Variants in SCARB1 observed in about 807,000 individuals in gnomAD.
The protein encoded by SCARB1 is CD36 and LIMPII analogous 1.
Under a neutral mutation model 57.2 loss-of-function variants are expected in SCARB1, and 30 were observed. That is an observed-to-expected ratio of 0.52 (90% CI 0.39 to 0.71). SCARB1 has a LOEUF of 0.71. Among genes scored for constraint, SCARB1 ranks in the 30% least tolerant of loss-of-function variants. The probability of loss-of-function intolerance (pLI) is 0.00; values close to 1 mark genes in which losing one functional copy is unlikely to be tolerated. For synonymous variants in SCARB1, 249 were observed against 268.3 expected (o/e 0.93, Z 0.70); for missense variants, 543 against 671.2 (o/e 0.81, Z 2.11).
At chr12:124,826,305 TG>T (rs1351487710) in intron 1 of SCARB1, among the ~76,000 whole-genome samples, 1 of 131,324 alleles carries the variant, frequency 7.6e-6, no homozygotes, top group African/African-American at 3.0e-5. Flanking sequence ...CACTCTAGCC[TG>T]GGTGACAGAG....
intron 1 of SCARB1, among the ~76,000 whole-genome samples, chr12:124,828,692 T>C (rs1951265852): frequency 6.6e-6 from 1 of 152,228 alleles, no homozygotes; most frequent in Non-Finnish European, 1.5e-5. Context: ...TATCCACGTC[T>C]AGGCCTGTGC....
rs1200193866 is a variant in SCARB1, at chr12:124,817,353, T to C, written c.284+197A>G. On this transcript the variant is annotated intron_variant, in intron 2 of 12. Transcript: ENST00000261693. This position sits in a 1 kb window ranked among gnomAD's most constrained non-coding sequence, Gnocchi z 4.8. ...GGGCAACATAGCAAGATCCCATCTCTAAAAAAAAAAAAAAAAAAAAAAAAA... is the reference window on the plus strand; with the variant it reads ...GGGCAACATAGCAAGATCCCATCTCCAAAAAAAAAAAAAAAAAAAAAAAAA... Among the ~76,000 whole-genome samples the C allele has an allele frequency of 2.9e-5, 2 of 68,772 alleles. No individual in the cohort carries two copies. Among genetic ancestry groups the C allele is most frequent in the African/African-American group, 5.5e-5 (1 of 18,074 alleles). The allele number at this position is 68,772 out of a possible 152,430, so 45.1% of individuals were successfully genotyped here.
At chr12:124,811,650 G>A (rs2135664576) in intron 5 of SCARB1, among the ~76,000 whole-genome samples, 1 of 152,222 alleles carries the variant, frequency 6.6e-6, no homozygotes, top group South Asian at 2.1e-4. Context: ...TGCTCAGTAA[G>A]CTCAGTAAGC....
rs1949638354 is a variant in SCARB1 at position 124,789,324 on chromosome 12, C to T, written c.1203-1867G>A. On this transcript the variant is annotated intron_variant, in intron 9 of 12. Coordinates refer to ENST00000261693, the MANE Select transcript of SCARB1 (RefSeq NM_005505.5). This position sits in a 1 kb window ranked among gnomAD's most constrained non-coding sequence, Gnocchi z 4.4. The stretch of plus-strand genomic sequence containing the variant: ...CAGTAGAGGGTCATCCTACAAAATA[C>T]CTGACCAGTGCTTCTCAAAAGTGTC... Among the ~76,000 whole-genome samples the T allele has an allele frequency of 6.6e-6, 1 of 152,162 alleles. No individual in the cohort carries two copies. Among genetic ancestry groups the T allele is most frequent in the African/African-American group, 2.4e-5 (1 of 41,450 alleles).
At chr12:124,803,898 TATAAG>T (rs1233953229) in intron 7 of SCARB1, among the ~76,000 whole-genome samples, 5 of 151,936 alleles carry the variant, frequency 3.3e-5, no homozygotes, top group African/African-American at 1.2e-4. Flanking sequence ...TATAAATAAA[TATAAG>T]AAAAAACTCT....
chr12:124,845,664 C>A (rs1402678532), intron 1 of SCARB1, among the ~76,000 whole-genome samples: 1 of 142,940 alleles, frequency 7.0e-6, no homozygotes, highest in Admixed American at 7.3e-5. Flanking sequence ...GAGATCACGC[C>A]ACTGCATTCC....
chr12:124,848,399 T>C (rs995973118), intron 1 of SCARB1, among the ~76,000 whole-genome samples: 2 of 152,194 alleles, frequency 1.3e-5, no homozygotes, highest in African/African-American at 4.8e-5. Context: ...AATTTTTTAA[T>C]GAACAACTAT....
At chr12:124,816,724 T>C (rs1451273496) in intron 2 of SCARB1, among the ~76,000 whole-genome samples, 1 of 151,946 alleles carries the variant, frequency 6.6e-6, no homozygotes, top group Non-Finnish European at 1.5e-5. Context: ...AAGGGAGTTG[T>C]AACAGGCACA....
intron 11 of SCARB1, chr12:124,786,108 T>A: frequency 6.5e-7 from 1 of 1,536,110 alleles, no homozygotes; most frequent in Non-Finnish European, 8.7e-7. Context: ...AAAGCCCACC[T>A]GTGCCCCCTC....
rs747157 is a variant in SCARB1 at position 124,778,494 on chromosome 12, G to T, written c.*93C>A. The T allele has an allele frequency of 3.0e-6, 4 of 1,352,932 alleles. No homozygotes were observed. The highest frequency in any genetic ancestry group is 4.0e-5 in the Admixed American group (1 of 24,918). The allele number at this position is 1,352,932 out of a possible 1,614,324, so 83.8% of individuals were successfully genotyped here. The stretch of plus-strand genomic sequence containing the variant: ...AGGCTGTGGGGCTGGGGGGCTGTCC[G>T]CTGGGAGAGTCCGGGAGAAGCGGGG... On this transcript the variant is annotated 3_prime_UTR_variant, in exon 13 of 13. Coordinates refer to ENST00000261693, the MANE Select transcript of SCARB1 (RefSeq NM_005505.5).
At chr12:124,854,455 G>A (rs1010728295) in intron 1 of SCARB1, among the ~76,000 whole-genome samples, 2 of 152,182 alleles carry the variant, frequency 1.3e-5, no homozygotes, top group African/African-American at 2.4e-5. Flanking sequence ...GAGGGGAGGA[G>A]GTGCTAAGTG....
At chr12:124,798,452 G>A (rs1445492022) in intron 8 of SCARB1, among the ~76,000 whole-genome samples, 1 of 152,018 alleles carries the variant, frequency 6.6e-6, no homozygotes, top group East Asian at 1.9e-4. Flanking sequence ...TGTTATTTGT[G>A]ACAACATGAC....
rs1400646124 is a variant in SCARB1 at position 124,796,306 on chromosome 12, C to T, written c.1129-1038G>A. Among the ~76,000 whole-genome samples the T allele has an allele frequency of 1.3e-5, 2 of 152,208 alleles. No homozygotes were observed. The highest frequency in any genetic ancestry group is 1.3e-4 in the Admixed American group (2 of 15,278). On this transcript the variant is annotated intron_variant, in intron 8 of 12. Transcript: ENST00000261693. The surrounding 1 kb of genome is among the most constrained non-coding windows in gnomAD (Gnocchi z 4.0). ...AGTTTCACTATGTTGCCCAGGCTGG[C>T]GTCAAACTCCTAGCCTCAAGTGATC... is the stretch of plus-strand genomic sequence containing the variant.
intron 1 of SCARB1, among the ~76,000 whole-genome samples, chr12:124,843,878 T>C (rs1253988506): frequency 1.3e-5 from 2 of 152,148 alleles, no homozygotes; most frequent in Non-Finnish European, 2.9e-5. Context: ...ATGAGAACAA[T>C]GCTGCACCAC....
intron 1 of SCARB1, among the ~76,000 whole-genome samples, chr12:124,859,174 A>G (rs946345541): frequency 1.3e-5 from 2 of 152,010 alleles, no homozygotes; most frequent in African/African-American, 4.8e-5. Context: ...TTGAGCCACC[A>G]TGCTTGGCCT....
At chr12:124,832,936 C>T (rs746921688) in intron 1 of SCARB1, among the ~76,000 whole-genome samples, 6 of 151,876 alleles carry the variant, frequency 4.0e-5, no homozygotes, top group Admixed American at 1.3e-4. Flanking sequence ...ACTGGGACTG[C>T]CCCTGAGATG....
At chr12:124,815,647 C>T (rs1950684081) in intron 2 of SCARB1, among the ~76,000 whole-genome samples, 1 of 152,210 alleles carries the variant, frequency 6.6e-6, no homozygotes, top group Non-Finnish European at 1.5e-5. Context: ...GGGCAGATCA[C>T]CTGATGTCAG....
At chr12:124,857,073 C>T (rs1348988181) in intron 1 of SCARB1, among the ~76,000 whole-genome samples, 2 of 152,132 alleles carry the variant, frequency 1.3e-5, no homozygotes, top group South Asian at 2.1e-4. Flanking sequence ...CCCCGCCGCC[C>T]GCCTTAAGCA....
chr12:124,833,982 T>C (rs1421672861), intron 1 of SCARB1, among the ~76,000 whole-genome samples: 1 of 152,226 alleles, frequency 6.6e-6, no homozygotes. Context: ...GCAAGCCCTC[T>C]GGGCTGCGGA....
Sources: allele counts gnomAD v4.1 joint callset (sites outside exome capture counted in the v4.1 genomes callset), GRCh38; gene constraint gnomAD v4.1.1; non-coding constraint Gnocchi (gnomAD v3.1); transcripts MANE v1.5; gene names NCBI Gene and HGNC (gene_info 2026-07-23, HGNC 2026-07-21).